BACH2: variants seen among roughly 807,000 people sequenced by gnomAD.
BACH2 encodes the protein transcription regulator protein BACH2.
In BACH2, 5 loss-of-function variants were observed where a neutral mutation model predicts 61.8. The observed-to-expected ratio is 0.08, with a 90% CI of 0.04 to 0.17. The LOEUF is 0.17. Ranked by LOEUF, BACH2 falls within the 10% of genes least tolerant of loss-of-function variation. The probability of loss-of-function intolerance (pLI) is 1.00; values close to 1 mark genes in which losing one functional copy is unlikely to be tolerated. For missense variants in BACH2, 824 were observed against 1,091.1 expected (o/e 0.76, Z 3.45); for synonymous variants, 446 against 440.1 (o/e 1.01, Z -0.17).
chr6:89,969,687 C>T (rs375809838), intron 6 of BACH2, among the ~76,000 whole-genome samples: 1 of 152,202 alleles, frequency 6.6e-6, no homozygotes, highest in African/African-American at 2.4e-5. Context: ...GTGCCCTCCA[C>T]CCCACCTAAA....
intron 4 of BACH2, among the ~76,000 whole-genome samples, chr6:90,128,936 A>G (rs1783983646): frequency 6.6e-6 from 1 of 152,164 alleles, no homozygotes; most frequent in Non-Finnish European, 1.5e-5. Flanking sequence ...GCTGGAAACC[A>G]TCATTCTCAG....
chr6:90,200,606 G>C (rs1487389381), intron 4 of BACH2, among the ~76,000 whole-genome samples: 1 of 152,030 alleles, frequency 6.6e-6, no homozygotes, highest in Non-Finnish European at 1.5e-5. Context: ...AGCTAAAATA[G>C]TACTTATTTT....
At chr6:90,294,818 T>TC (rs986642953) in intron 1 of BACH2, among the ~76,000 whole-genome samples, 1 of 152,172 alleles carries the variant, frequency 6.6e-6, no homozygotes, top group African/African-American at 2.4e-5. Context: ...GCCCGAGCCT[T>TC]TGCAGCAAGA....
chr6:90,004,397 C>T (rs1461637226), intron 6 of BACH2, among the ~76,000 whole-genome samples: 1 of 152,180 alleles, frequency 6.6e-6, no homozygotes, highest in Admixed American at 6.5e-5. Flanking sequence ...AGGGGCCATA[C>T]TCACCCCCAG....
rs1336992248 is a variant in BACH2, at chr6:90,103,911, AT to A, written c.-161-14803del. Among the ~76,000 whole-genome samples the A allele has an allele frequency of 2.0e-5, 3 of 152,332 alleles. No homozygotes were observed. The East Asian group carries it at 5.8e-4, about 29-fold the overall frequency. On this transcript the variant is annotated intron_variant, in intron 4 of 8. Coordinates refer to ENST00000257749, the MANE Select transcript of BACH2 (RefSeq NM_021813.4). ...TTACAAATTTGTCCTGAAAACATCC[AT>A]TTGAAATAGAAACAGGCATGAATTA...
rs146899570 is a variant in BACH2, at chr6:90,061,089, T to C, written c.-13+27872A>G. Among the ~76,000 whole-genome samples the C allele has an allele frequency of 2.2e-4, 33 of 152,166 alleles. No individual in the cohort carries two copies. The East Asian group carries it at 6.4e-3, about 29-fold the overall frequency. Reference sequence around the variant, plus strand: ...TAAAAGTTTTTAGAAAGTAGGAGAGTGACATCTGATTGTTGCTTTTGAAGA... The same window carrying C: ...TAAAAGTTTTTAGAAAGTAGGAGAGCGACATCTGATTGTTGCTTTTGAAGA... On this transcript the variant is annotated intron_variant, in intron 5 of 8. Transcript: ENST00000257749.
intron 6 of BACH2, among the ~76,000 whole-genome samples, chr6:89,990,728 C>T (rs559264036): frequency 6.6e-6 from 1 of 152,242 alleles, no homozygotes; most frequent in Non-Finnish European, 1.5e-5. Context: ...AACTCCTGTC[C>T]TCCCTAACTA....
chr6:90,218,620 G>A (rs1769626288), intron 3 of BACH2, among the ~76,000 whole-genome samples: 2 of 151,946 alleles, frequency 1.3e-5, no homozygotes, highest in South Asian at 2.1e-4. Context: ...TCCCAGGAGG[G>A]AGGAGAAGAA....
At chr6:89,962,659 T>G (rs210056) in intron 6 of BACH2, among the ~76,000 whole-genome samples, 1 of 152,124 alleles carries the variant, frequency 6.6e-6, no homozygotes, top group Admixed American at 6.5e-5. Context: ...TTTGGACACT[T>G]CTAGCCCTCC....
At chr6:90,057,836 A>T (rs906166109) in intron 5 of BACH2, among the ~76,000 whole-genome samples, 2 of 152,236 alleles carry the variant, frequency 1.3e-5, no homozygotes, top group African/African-American at 2.4e-5. Context: ...AAATCAGTAA[A>T]CGTAATCCAA....
At chr6:90,004,980 T>C (rs897251433) in intron 6 of BACH2, among the ~76,000 whole-genome samples, 1 of 152,184 alleles carries the variant, frequency 6.6e-6, no homozygotes, top group Non-Finnish European at 1.5e-5. Flanking sequence ...CATTTGTTTT[T>C]TTTTAAAAAC....
chr6:90,103,931 T>A (rs980360010), intron 4 of BACH2, among the ~76,000 whole-genome samples: 1 of 152,182 alleles, frequency 6.6e-6, no homozygotes, highest in Non-Finnish European at 1.5e-5. Context: ...GAAACAGGCA[T>A]GAATTATTGT....
At chr6:90,166,079 A>T (rs1334413003) in intron 4 of BACH2, among the ~76,000 whole-genome samples, 1 of 152,160 alleles carries the variant, frequency 6.6e-6, no homozygotes, top group Non-Finnish European at 1.5e-5. Context: ...TAAACTAAAG[A>T]GCTTCTGCAC....
At chr6:90,155,025 C>A (rs1784948527) in intron 4 of BACH2, among the ~76,000 whole-genome samples, 1 of 152,174 alleles carries the variant, frequency 6.6e-6, no homozygotes, top group African/African-American at 2.4e-5. Flanking sequence ...AAAGGGAGAG[C>A]TAGGGATCAT....
chr6:90,288,756 G>C (rs1386333214), intron 1 of BACH2, among the ~76,000 whole-genome samples: 4 of 152,062 alleles, frequency 2.6e-5, no homozygotes, highest in African/African-American at 4.8e-5. Context: ...TTCTAATTAG[G>C]ATTTCTGATG....
chr6:90,261,250 G>C (rs1043112037), intron 2 of BACH2, among the ~76,000 whole-genome samples: 1 of 152,094 alleles, frequency 6.6e-6, no homozygotes, highest in South Asian at 2.1e-4. Flanking sequence ...ATGTGTTCTA[G>C]CTTACGTGCC....
intron 7 of BACH2, among the ~76,000 whole-genome samples, chr6:89,946,003 AAAGAAAAAGACTT>A (rs1426563242): frequency 1.3e-5 from 2 of 152,202 alleles, no homozygotes; most frequent in Non-Finnish European, 2.9e-5. Context: ...CAGAAGTCAT[AAAGAAAAAGACTT>A]ATACCTTGAC....
At chr6:90,255,106 T>C (rs1770935183) in intron 2 of BACH2, among the ~76,000 whole-genome samples, 1 of 152,198 alleles carries the variant, frequency 6.6e-6, no homozygotes, top group African/African-American at 2.4e-5. Flanking sequence ...CTATGATCAT[T>C]AGAGATGCAA....
At chr6:90,256,669 T>A (rs865991441) in intron 2 of BACH2, among the ~76,000 whole-genome samples, 16 of 152,236 alleles carry the variant, frequency 1.1e-4, no homozygotes, top group African/African-American at 3.9e-4. Context: ...TACAACGTGA[T>A]GTTATAGGCT....
Sources: gnomAD v4.1 joint callset for allele counts (sites outside exome capture counted in the v4.1 genomes callset) on GRCh38, gnomAD v4.1.1 for gene constraint, MANE v1.5 for transcripts, NCBI Gene and HGNC (gene_info 2026-07-23, HGNC 2026-07-21) for gene names.